Variants in MED13L observed in about 807,000 individuals in gnomAD.
MED13L encodes the protein mediator of RNA polymerase II transcription subunit 13-like.
Under a neutral mutation model 220.9 loss-of-function variants are expected in MED13L, and 7 were observed. That is an observed-to-expected ratio of 0.03 (90% CI 0.02 to 0.06). The LOEUF is 0.06. Ranked by LOEUF, MED13L falls within the 10% of genes least tolerant of loss-of-function variation. The probability of loss-of-function intolerance (pLI) is 1.00; values close to 1 mark genes in which losing one functional copy is unlikely to be tolerated. For missense variants in MED13L, 1,965 were observed against 2,760.5 expected (o/e 0.71, Z 6.46); for synonymous variants, 1,011 against 1,015.2 (o/e 1.00, Z 0.08).
Position 116,238,187 on chromosome 12 carries a change from A to G in MED13L, c.73-482T>C, listed in dbSNP as rs143467791. Among the ~76,000 whole-genome samples, 149 of 152,348 alleles carry G rather than the reference A, an allele frequency of 9.8e-4. 1 individual carries two copies. Among genetic ancestry groups the G allele is most frequent in the African/African-American group, 3.5e-3 (144 of 41,580 alleles). On this transcript the variant is annotated intron_variant, in intron 1 of 30. Transcript: ENST00000281928. ...GGAAGCAGTTAGCATGAAGTACGAG[A>G]GTGTTTCATCATGAATGCCAAAAGT...
intron 4 of MED13L, among the ~76,000 whole-genome samples, chr12:116,063,462 G>A (rs1441755549): frequency 2.0e-5 from 3 of 152,190 alleles, no homozygotes; most frequent in African/African-American, 7.2e-5. Context: ...AGGCTACAGT[G>A]AGCTGTGATC....
intron 3 of MED13L, among the ~76,000 whole-genome samples, chr12:116,108,491 T>C (rs551479487): frequency 2.6e-5 from 4 of 152,230 alleles, no homozygotes; most frequent in South Asian, 4.1e-4. Context: ...CCAACTTCTG[T>C]TGACAATGAA....
At chr12:116,048,151 G>A (rs978178217) in intron 4 of MED13L, among the ~76,000 whole-genome samples, 8 of 151,766 alleles carry the variant, frequency 5.3e-5, no homozygotes, top group Admixed American at 1.3e-4. Context: ...GAACAACCTG[G>A]GAACTAAAAT....
chr12:116,088,717 A>AC (rs1465268291), intron 4 of MED13L, among the ~76,000 whole-genome samples: 3 of 151,782 alleles, frequency 2.0e-5, no homozygotes, highest in Non-Finnish European at 4.4e-5. Context: ...TGCTTAAAAA[A>AC]GAAAGAAAAG....
At chr12:115,996,053 A>T (rs1878381053) in intron 16 of MED13L, among the ~76,000 whole-genome samples, 2 of 152,124 alleles carry the variant, frequency 1.3e-5, no homozygotes, top group South Asian at 2.1e-4. Context: ...CCAATAAAGG[A>T]AAGTTTCAAA....
chr12:116,225,198 T>C (rs1165969312), intron 2 of MED13L, among the ~76,000 whole-genome samples: 1 of 152,226 alleles, frequency 6.6e-6, no homozygotes, highest in Non-Finnish European at 1.5e-5. Context: ...CAAATAGATA[T>C]ATCTGTGTAT....
chr12:116,249,734 CAAAAAAAAAAAAA>C (rs58809334), intron 1 of MED13L, among the ~76,000 whole-genome samples: 1 of 19,588 alleles, frequency 5.1e-5, no homozygotes, highest in Admixed American at 7.9e-4. Flanking sequence ...AGTACCTACC[CAAAAAAAAAAAAA>C]AAAAAAAAAA....
chr12:116,140,265 T>C (rs1323990836), intron 2 of MED13L, among the ~76,000 whole-genome samples: 1 of 152,168 alleles, frequency 6.6e-6, no homozygotes, highest in Non-Finnish European at 1.5e-5. Flanking sequence ...CTCATCCCAT[T>C]CCCAATTAGA....
chr12:115,997,271 G>C lies in MED13L; in HGVS notation c.2570-41C>G, dbSNP rs113188058. On this transcript the variant is annotated intron_variant, in intron 14 of 30. Transcript: ENST00000281928. ...AAAAAAAATTTGTTTAATAGGAAGG[G>C]CTTCTAAAAAGTCCTAGCTTATAGC... 5.9e-5 allele frequency: 93 copies of C among 1,571,226 alleles called. 7 individuals carry two copies. The African/African-American group carries it at 7.5e-4, about 13-fold the overall frequency.
At chr12:116,071,585 C>A (rs1870373955) in intron 4 of MED13L, among the ~76,000 whole-genome samples, 2 of 152,170 alleles carry the variant, frequency 1.3e-5, no homozygotes, top group South Asian at 4.1e-4. Context: ...TGCCACCATT[C>A]TGCAGATACT....
chr12:116,054,562 A>G (rs1157397086), intron 4 of MED13L, among the ~76,000 whole-genome samples: 6 of 152,208 alleles, frequency 3.9e-5, no homozygotes, highest in Non-Finnish European at 2.9e-5. Flanking sequence ...TTCAAGCATA[A>G]TCAGAAAAGA....
At chr12:115,970,562 G>T (rs1565984800) in intron 27 of MED13L, 32 bp downstream of exon 27, 1 of 1,606,512 alleles carries the variant, frequency 6.2e-7, no homozygotes, top group Non-Finnish European at 8.5e-7. Context: ...CTGCATGAAG[G>T]TGAGCACTAT....
At chr12:116,271,855 C>A (rs1416112162) in intron 1 of MED13L, among the ~76,000 whole-genome samples, 3 of 152,042 alleles carry the variant, frequency 2.0e-5, no homozygotes, top group African/African-American at 7.3e-5. Flanking sequence ...TCTAATCTGG[C>A]TAACTGGTTA....
rs780099245 is a variant in MED13L at position 115,996,671 on chromosome 12, T to C, written c.2801A>G (p.Tyr934Cys). Reference protein sequence around the residue: ...PKPEEIKDFSYVHKVPSFQPF... With the variant: ...PKPEEIKDFSCVHKVPSFQPF... ...TTGAAAGGATGGAACTTTGTGCACATATGAAAAGTCCTGTGACAACAAAGT... is the reference window on the plus strand; with the variant it reads ...TTGAAAGGATGGAACTTTGTGCACACATGAAAAGTCCTGTGACAACAAAGT... The change falls in exon 16 of 31, where the codon TAT (tyrosine) becomes TGT (cysteine). Residue 934 changes from tyrosine (Y) to cysteine (C), a missense_variant. Physicochemically the swap from Tyr to Cys is radical, Grantham distance 194 (BLOSUM62 -2). Coordinates refer to ENST00000281928, the MANE Select transcript of MED13L (RefSeq NM_015335.5). The C allele has an allele frequency of 9.9e-6, 16 of 1,613,470 alleles. No individual in the cohort carries two copies. Among genetic ancestry groups the C allele is most frequent in the Non-Finnish European group, 1.3e-5 (15 of 1,179,532 alleles).
intron 4 of MED13L, among the ~76,000 whole-genome samples, chr12:116,090,067 A>G (rs556833121): frequency 3.3e-5 from 5 of 152,332 alleles, no homozygotes; most frequent in African/African-American, 1.2e-4. Flanking sequence ...AGAAAAACAT[A>G]CCATGAACAA....
chr12:115,958,781 T>C lies in MED13L; in HGVS notation c.*2485A>G, dbSNP rs895026041. The stretch of plus-strand genomic sequence containing the variant: ...ATATTTTTGTATTCTTTCAAATTGT[T>C]TGCTATATATAAAAGAAGCTCACTG... On this transcript the variant is annotated 3_prime_UTR_variant, in exon 31 of 31. Coordinates refer to ENST00000281928, the MANE Select transcript of MED13L (RefSeq NM_015335.5). 40 of 152,704 alleles carry C rather than the reference T, an allele frequency of 2.6e-4. No individual in the cohort carries two copies. The highest frequency in any genetic ancestry group is 8.4e-4 in the African/African-American group (35 of 41,562). 9.5% of individuals were successfully genotyped at this position (152,704 alleles called of 1,614,324 possible). A position where few individuals can be genotyped will look rare whatever the true frequency, so the allele number is the denominator to read the frequency against.
intron 2 of MED13L, among the ~76,000 whole-genome samples, chr12:116,136,465 GGAGA>G (rs142607969): frequency 1.1e-4 from 16 of 151,980 alleles, no homozygotes; most frequent in African/African-American, 2.9e-4. Context: ...TGAGAGAGAG[GGAGA>G]GAGAGAGAAA....
At chr12:116,267,232 C>T (rs556406245) in intron 1 of MED13L, among the ~76,000 whole-genome samples, 8 of 152,152 alleles carry the variant, frequency 5.3e-5, no homozygotes, top group Non-Finnish European at 1.2e-4. Flanking sequence ...GCACACCATG[C>T]AACTGTGAAT....
chr12:116,031,353 G>A (rs1490057009), intron 4 of MED13L, among the ~76,000 whole-genome samples: 1 of 151,934 alleles, frequency 6.6e-6, no homozygotes, highest in African/African-American at 2.4e-5. Context: ...GCAGAGGCGG[G>A]CGGATCACGA....
Sources: allele counts gnomAD v4.1 joint callset (sites outside exome capture counted in the v4.1 genomes callset), GRCh38; gene constraint gnomAD v4.1.1; transcripts MANE v1.5; gene names NCBI Gene and HGNC (gene_info 2026-07-23, HGNC 2026-07-21).